XKR9: variants seen among roughly 807,000 people sequenced by gnomAD.
The protein encoded by XKR9 is XK-related protein 9.
A neutral mutation model predicts 32.0 loss-of-function variants in XKR9; 32 were observed. That is an observed-to-expected ratio of 1.00 (90% confidence interval 0.76 to 1.34). XKR9 has a LOEUF of 1.34. Among genes scored for constraint, XKR9 ranks in the 40% most tolerant of loss-of-function variants. The pLI is 0.00. For missense variants in XKR9, 546 were observed against 429.7 expected (o/e 1.27, Z -2.39); for synonymous variants, 168 against 143.4 (o/e 1.17, Z -1.22).
downstream of XKR9, among the ~76,000 whole-genome samples, chr8:70,794,396 G>T (rs978192869): frequency 1.3e-5 from 2 of 151,994 alleles, no homozygotes; most frequent in African/African-American, 4.8e-5. Flanking sequence ...ATGTTGACTA[G>T]AAGTGGTGAG....
chr8:70,807,262 A>T, the XKR9 span, among the ~76,000 whole-genome samples: 1 of 152,108 alleles, frequency 6.6e-6, no homozygotes, highest in Non-Finnish European at 1.5e-5. Context: ...CTCCTGAAAA[A>T]AGTGCTAAAT....
the XKR9 span, among the ~76,000 whole-genome samples, chr8:70,956,339 T>G: frequency 6.6e-6 from 1 of 152,122 alleles, no homozygotes; most frequent in East Asian, 1.9e-4. Context: ...TGAGTGAGTG[T>G]CTGTCTGAGT....
chr8:70,673,917 G>A (rs34558600), intron 1 of XKR9, among the ~76,000 whole-genome samples: 61,359 of 152,102 alleles, frequency 0.4, 13,912 homozygotes, highest in Non-Finnish European at 0.52. Context: ...CAACATGCAA[G>A]GTAATGTTGT....
At chr8:70,702,785 G>A (rs536262647) in intron 3 of XKR9, among the ~76,000 whole-genome samples, 1 of 152,198 alleles carries the variant, frequency 6.6e-6, no homozygotes, top group Non-Finnish European at 1.5e-5. Context: ...AACTATCTGA[G>A]TCTTTATGTT....
At chr8:70,852,883 G>C in the XKR9 span, among the ~76,000 whole-genome samples, 3 of 152,094 alleles carry the variant, frequency 2.0e-5, no homozygotes, top group Non-Finnish European at 4.4e-5. Flanking sequence ...GATAGCAGTA[G>C]GAGAAATTCC....
At chr8:70,690,171 G>A (rs1461716873) in intron 3 of XKR9, among the ~76,000 whole-genome samples, 1 of 152,044 alleles carries the variant, frequency 6.6e-6, no homozygotes, top group African/African-American at 2.4e-5. Flanking sequence ...CACGTGTCAT[G>A]GGGGTTTGTT....
chr8:70,775,505 A>C (rs1424732030), intron 2 of XKR9, among the ~76,000 whole-genome samples: 2 of 152,080 alleles, frequency 1.3e-5, no homozygotes, highest in East Asian at 3.9e-4. Flanking sequence ...TGAGATTTTA[A>C]AATTATGAAT....
At chr8:70,847,404 A>G in the XKR9 span, among the ~76,000 whole-genome samples, 3 of 151,996 alleles carry the variant, frequency 2.0e-5, no homozygotes, top group South Asian at 2.1e-4. Context: ...ATTTCATGTA[A>G]TATATAATGT....
chr8:70,844,673 G>C, the XKR9 span, among the ~76,000 whole-genome samples: 1 of 152,188 alleles, frequency 6.6e-6, no homozygotes, highest in Non-Finnish European at 1.5e-5. Context: ...GCCCCATCCT[G>C]TTCACCACCG....
intron 4 of XKR9, among the ~76,000 whole-genome samples, chr8:70,708,725 A>C (rs537914339): frequency 2.0e-5 from 3 of 152,262 alleles, no homozygotes; most frequent in African/African-American, 7.2e-5. Context: ...CATTTAAAAA[A>C]TATTCTTCTG....
chr8:70,820,838 T>G, the XKR9 span, among the ~76,000 whole-genome samples: 1 of 152,196 alleles, frequency 6.6e-6, no homozygotes, highest in Non-Finnish European at 1.5e-5. Flanking sequence ...TTTCTTGACA[T>G]GTGGGGATTA....
the XKR9 span, among the ~76,000 whole-genome samples, chr8:70,809,676 C>T: frequency 6.6e-6 from 1 of 152,028 alleles, no homozygotes; most frequent in Non-Finnish European, 1.5e-5. Flanking sequence ...ATTCGATCAA[C>T]TGGAAGAAAG....
chr8:70,957,783 C>CTTTT, the XKR9 span, among the ~76,000 whole-genome samples: 358 of 84,742 alleles, frequency 4.2e-3, 4 homozygotes, highest in Non-Finnish European at 5.7e-3. Context: ...TTCAGTCTAT[C>CTTTT]TTTTTTTTTT....
rs1806828995 is a variant in XKR9, at chr8:70,735,305, A to G, written c.*881A>G. On this transcript the variant is annotated 3_prime_UTR_variant, in exon 5 of 5. Coordinates refer to ENST00000408926, the MANE Select transcript of XKR9 (RefSeq NM_001011720.2). ...ACTGAAATTATAATTTTTTGTTTCTATGAGTTTGAATACTTTAGATACCTT... is the reference window on the plus strand; with the variant it reads ...ACTGAAATTATAATTTTTTGTTTCTGTGAGTTTGAATACTTTAGATACCTT... 1 of 151,796 alleles carries G rather than the reference A, an allele frequency of 6.6e-6. No individual in the cohort carries two copies. Among genetic ancestry groups the G allele is most frequent in the Admixed American group, 6.6e-5 (1 of 15,226 alleles). 9.4% of individuals were successfully genotyped at this position (151,796 alleles called of 1,614,324 possible). A position where few individuals can be genotyped will look rare whatever the true frequency, so the allele number is the denominator to read the frequency against.
At chr8:71,029,514 C>A in the XKR9 span, among the ~76,000 whole-genome samples, 4 of 152,124 alleles carry the variant, frequency 2.6e-5, no homozygotes, top group South Asian at 6.3e-4. Flanking sequence ...TAATAATAGA[C>A]AACAAAATAT....
At chr8:71,050,260 TAGATAG>T in the XKR9 span, among the ~76,000 whole-genome samples, 6,747 of 107,540 alleles carry the variant, frequency 0.063, 208 homozygotes, top group African/African-American at 0.092. Flanking sequence ...TATATATATA[TAGATAG>T]ATAGATAGAT....
At chr8:70,925,235 C>T in the XKR9 span, among the ~76,000 whole-genome samples, 1 of 152,110 alleles carries the variant, frequency 6.6e-6, no homozygotes, top group Non-Finnish European at 1.5e-5. Flanking sequence ...TATGCTCCTC[C>T]AAAATACACA....
chr8:70,977,256 C>G, the XKR9 span, among the ~76,000 whole-genome samples: 1 of 152,032 alleles, frequency 6.6e-6, no homozygotes, highest in African/African-American at 2.4e-5. Flanking sequence ...CTGCTCTGAT[C>G]TTAGTTATTT....
chr8:70,893,914 C>A, the XKR9 span, among the ~76,000 whole-genome samples: 1 of 151,952 alleles, frequency 6.6e-6, no homozygotes, highest in African/African-American at 2.4e-5. Flanking sequence ...TCTTGGGGTG[C>A]AAGTTCACTC....
Sources: allele counts gnomAD v4.1 joint callset (sites outside exome capture counted in the v4.1 genomes callset), GRCh38; gene constraint gnomAD v4.1.1; transcripts MANE v1.5; gene names NCBI Gene and HGNC (gene_info 2026-07-23, HGNC 2026-07-21).